The following LPCAT3 variants were observed in gnomAD, a reference collection of about 807,000 sequenced individuals.
LPCAT3 encodes the protein lysophospholipid acyltransferase 5.
LPCAT3 carries 21 observed loss-of-function variants against 63.4 expected under a neutral mutation model. The observed-to-expected ratio is 0.33, with a 90% CI of 0.23 to 0.48. The LOEUF (loss-of-function observed/expected upper bound fraction) is 0.48. Among genes scored for constraint, LPCAT3 ranks in the 20% least tolerant of loss-of-function variants. The pLI, the probability that LPCAT3 is intolerant of heterozygous loss-of-function variation, is 0.99. For synonymous variants in LPCAT3, 242 were observed against 227.5 expected (o/e 1.06, Z -0.58); for missense variants, 451 against 590.6 (o/e 0.76, Z 2.45).
At chr12:7,010,770 G>C (rs1421565589) in intron 1 of LPCAT3, among the ~76,000 whole-genome samples, 1 of 152,118 alleles carries the variant, frequency 6.6e-6, no homozygotes, top group Non-Finnish European at 1.5e-5. Context: ...AGTTATACTG[G>C]AATTCAAAAC....
chr12:7,016,088 A>G (rs782787979), intron 1 of LPCAT3, among the ~76,000 whole-genome samples: 127 of 152,080 alleles, frequency 8.4e-4, no homozygotes, highest in African/African-American at 2.8e-3. Context: ...CTAACTAATG[A>G]ATGTAATACA....
chr12:6,995,824 C>A (rs1193903262), intron 1 of LPCAT3, among the ~76,000 whole-genome samples: 2 of 152,112 alleles, frequency 1.3e-5, no homozygotes, highest in Non-Finnish European at 1.5e-5. Context: ...AAAATCTGAC[C>A]ACTTCTCTCC....
chr12:7,014,886 C>T (rs1247322471), intron 1 of LPCAT3, among the ~76,000 whole-genome samples: 1 of 126,894 alleles, frequency 7.9e-6, no homozygotes, highest in East Asian at 2.0e-4. Flanking sequence ...GAGCGAGACT[C>T]CGTCTCAAAA....
intron 9 of LPCAT3, 132 bp downstream of exon 9, chr12:6,978,209 C>T: frequency 9.2e-7 from 1 of 1,081,788 alleles, no homozygotes; most frequent in Non-Finnish European, 1.3e-6. Flanking sequence ...GGGTCAAAGT[C>T]AGTGTGAGCG....
At chr12:6,998,243 T>A (rs1946654704) in intron 1 of LPCAT3, among the ~76,000 whole-genome samples, 1 of 152,214 alleles carries the variant, frequency 6.6e-6, no homozygotes, top group South Asian at 2.1e-4. Context: ...CTTGAACTGC[T>A]GGGCTCAAGC....
At chr12:6,993,824 C>T (rs1288274703) in intron 1 of LPCAT3, among the ~76,000 whole-genome samples, 2 of 152,122 alleles carry the variant, frequency 1.3e-5, no homozygotes, top group African/African-American at 2.4e-5. Context: ...GTTGCTCAGG[C>T]TGGTCTTGAA....
intron 1 of LPCAT3, among the ~76,000 whole-genome samples, chr12:6,995,824 C>T (rs1193903262): frequency 6.6e-6 from 1 of 152,112 alleles, no homozygotes; most frequent in Non-Finnish European, 1.5e-5. Context: ...AAAATCTGAC[C>T]ACTTCTCTCC....
intron 5 of LPCAT3, 66 bp downstream of exon 5, chr12:6,981,529 T>C (rs1946470906): frequency 6.5e-6 from 10 of 1,540,818 alleles, no homozygotes; most frequent in East Asian, 2.2e-5. Context: ...TTCAGTCTTT[T>C]GTTAACAACT....
chr12:6,991,774 A>T (rs1026970754), intron 1 of LPCAT3, among the ~76,000 whole-genome samples: 1 of 152,216 alleles, frequency 6.6e-6, no homozygotes, highest in Non-Finnish European at 1.5e-5. Context: ...GTGAAAAAAG[A>T]AGCTGCTAAA....
intron 3 of LPCAT3, 46 bp downstream of exon 3, chr12:6,982,630 A>C (rs782297992): frequency 6.9e-7 from 1 of 1,446,430 alleles, no homozygotes; most frequent in African/African-American, 1.4e-5. Context: ...CTGTCCCCTG[A>C]ACCGCTGTCA....
intron 9 of LPCAT3, 93 bp downstream of exon 9, chr12:6,978,248 C>T (rs782634098): frequency 6.3e-5 from 90 of 1,427,412 alleles, no homozygotes; most frequent in Middle Eastern, 2.6e-4. Flanking sequence ...ATGGGAAAGA[C>T]GCATAGGGGT....
At position 7,018,397 on chromosome 12, in the gene LPCAT3, C is replaced by T. The variant is rs1555157799; in HGVS notation, c.28G>A (p.Gly10Arg). Residue 10 changes from glycine (G) to arginine (R), a missense_variant, in exon 1 of 13, where the codon GGG (glycine) becomes AGG (arginine). Gly to Arg is a moderately radical substitution (Grantham distance 125). Around this residue, in one of 3 missense-constraint regions of LPCAT3, gnomAD observed 133 missense variants for 152.1 expected, o/e 0.87. Coordinates refer to ENST00000261407, the MANE Select transcript of LPCAT3 (RefSeq NM_005768.6). The surrounding 1 kb of genome is among the most constrained non-coding windows in gnomAD (Gnocchi z 4.9). MASSAEGDE[G>R]TVVALAGVLQ... ...ACCCCCGCCAGCGCCACCACAGTCC[C>T]CTCGTCCCCCTCCGCTGAGGACGCC... 1 of 1,610,874 alleles carries T rather than the reference C, an allele frequency of 6.2e-7. No individual in the cohort carries two copies. The highest frequency in any genetic ancestry group is 1.3e-5 in the African/African-American group (1 of 74,892).
intron 1 of LPCAT3, among the ~76,000 whole-genome samples, chr12:7,003,237 TAAAAC>T (rs1468056422): frequency 6.6e-6 from 1 of 152,076 alleles, no homozygotes; most frequent in Non-Finnish European, 1.5e-5. Context: ...CTTAAAAACT[TAAAAC>T]AAGATTTTAA....
At chr12:6,980,761 A>T in intron 6 of LPCAT3, 2 of 348,194 alleles carry the variant, frequency 5.7e-6, no homozygotes, top group Non-Finnish European at 1.0e-5. Flanking sequence ...TGACTGGTTC[A>T]GGCAAAATCC....
At chr12:7,000,456 C>G (rs1344021819) in intron 1 of LPCAT3, among the ~76,000 whole-genome samples, 1 of 148,754 alleles carries the variant, frequency 6.7e-6, no homozygotes, top group African/African-American at 2.5e-5. Flanking sequence ...GGCGTGGTGG[C>G]GGATGCCTGT....
rs782059898 is a variant in LPCAT3 at position 7,018,362 on chromosome 12, C to T, written c.63G>A (p.Ser21=). 1 of 1,612,382 alleles carries T rather than the reference C, an allele frequency of 6.2e-7. No homozygotes were observed. The highest frequency in any genetic ancestry group is 1.1e-5 in the South Asian group (1 of 90,704). Residue 21 remains serine (S), a synonymous_variant, in exon 1 of 13, where the codon TCG becomes TCA. Transcript: ENST00000261407. The surrounding 1 kb of genome is among the most constrained non-coding windows in gnomAD (Gnocchi z 4.9). Reference sequence around the variant, plus strand: ...TGTTAAGGCTCAGCTCCTGGAAACCCGACTGCAGAACCCCCGCCAGCGCCA... The same window carrying T: ...TGTTAAGGCTCAGCTCCTGGAAACCTGACTGCAGAACCCCCGCCAGCGCCA... The part of the protein sequence containing the change: ...TVVALAGVLQ[S]GFQELSLNKL...
intron 1 of LPCAT3, among the ~76,000 whole-genome samples, chr12:7,013,572 G>C (rs1218564387): frequency 6.6e-6 from 1 of 152,186 alleles, no homozygotes; most frequent in African/African-American, 2.4e-5. Flanking sequence ...GGGATGTGGG[G>C]AGTGAGTGAA....
intron 1 of LPCAT3, among the ~76,000 whole-genome samples, chr12:6,995,600 T>C (rs1946629763): frequency 6.6e-6 from 1 of 152,142 alleles, no homozygotes; most frequent in Non-Finnish European, 1.5e-5. Context: ...CCACTCCCTT[T>C]TTCCTCTGCT....
intron 1 of LPCAT3, among the ~76,000 whole-genome samples, chr12:6,995,988 A>G (rs1452887406): frequency 6.6e-6 from 1 of 152,154 alleles, no homozygotes; most frequent in Non-Finnish European, 1.5e-5. Flanking sequence ...TTAATGAAGC[A>G]TCTAGAGGGT....
Sources: gnomAD v4.1 joint callset for allele counts (sites outside exome capture counted in the v4.1 genomes callset) on GRCh38, gnomAD v4.1.1 for gene constraint, gnomAD v4.1.1 regional missense constraint, Gnocchi (gnomAD v3.1) non-coding constraint, MANE v1.5 for transcripts, NCBI Gene and HGNC (gene_info 2026-07-23, HGNC 2026-07-21) for gene names.